DCDC1: variants seen among roughly 807,000 people sequenced by gnomAD.
The protein encoded by DCDC1 is doublecortin domain-containing protein 1.
DCDC1 carries 200 observed loss-of-function variants against 178.3 expected under a neutral mutation model. The ratio of observed to expected loss-of-function variants is 1.12; its 90% confidence interval spans 1.00 to 1.26. The LOEUF is 1.26. Among genes scored for constraint, DCDC1 ranks in the 50% most tolerant of loss-of-function variants. DCDC1 has a pLI of 0.00. For synonymous variants in DCDC1, 690 were observed against 604.8 expected (o/e 1.14, Z -2.07); for missense variants, 1,983 against 1,749.2 (o/e 1.13, Z -2.38).
In DCDC1 at chr11:30,920,815, T is replaced by G. The variant is rs773524874; in HGVS notation, c.3254A>C (p.Glu1085Ala). ...AGCATTTTCCGTTGTTAGAGGATCT[T>G]CTTGCATTTGCTTTTCTTCCGGTTC... ...VTEPEEKQMQ[E>A]DPLTTENASS... The change falls in exon 25 of 39, where the codon GAA (glutamate) becomes GCA (alanine). Residue 1085 changes from glutamate (E) to alanine (A), a missense_variant. Glu to Ala is a moderately radical substitution (Grantham distance 107). Coordinates refer to ENST00000684477, the MANE Select transcript of DCDC1 (RefSeq NM_001387274.1). 6.2e-7 allele frequency: 1 copy of G among 1,613,734 alleles called. No homozygotes were observed. Among genetic ancestry groups the G allele is most frequent in the South Asian group, 1.1e-5 (1 of 91,030 alleles).
At chr11:30,981,743 T>G (rs569392519) in intron 20 of DCDC1, among the ~76,000 whole-genome samples, 2 of 152,156 alleles carry the variant, frequency 1.3e-5, no homozygotes, top group Non-Finnish European at 2.9e-5. Context: ...CCCTAGCTAA[T>G]AAAGATCTGT....
intron 6 of DCDC1, among the ~76,000 whole-genome samples, chr11:31,295,098 T>C (rs1023595055): frequency 3.3e-5 from 5 of 152,350 alleles, no homozygotes; most frequent in Middle Eastern, 3.4e-3. Context: ...AAGTCCGTTA[T>C]ATAAAATGTA....
At chr11:30,910,214 A>G (rs957070670) in intron 28 of DCDC1, among the ~76,000 whole-genome samples, 1 of 152,198 alleles carries the variant, frequency 6.6e-6, no homozygotes, top group African/African-American at 2.4e-5. Flanking sequence ...GGTAATCCAA[A>G]TTACCTTGGG....
chr11:31,043,004 G>A lies in DCDC1; in HGVS notation c.2591+21465C>T, dbSNP rs545036456. Among the ~76,000 whole-genome samples the A allele has an allele frequency of 4.6e-5, 7 of 152,244 alleles. 1 individual carries two copies. In the South Asian group the frequency reaches 1.2e-3, roughly 27 times the overall value. On this transcript the variant is annotated intron_variant, in intron 20 of 38. Transcript: ENST00000684477. ...TGTAATTGTGAGAACATCATAGAGCGTACTCCACAAATCTGAGATGGTATC... is the reference window on the plus strand; with the variant it reads ...TGTAATTGTGAGAACATCATAGAGCATACTCCACAAATCTGAGATGGTATC...
intron 8 of DCDC1, among the ~76,000 whole-genome samples, chr11:31,253,426 G>A (rs963195438): frequency 2.7e-5 from 4 of 148,818 alleles, no homozygotes; most frequent in African/African-American, 5.0e-5. Flanking sequence ...GCACGATCTC[G>A]GCTCACTGCA....
At chr11:30,922,035 C>T (rs1460944354) in intron 24 of DCDC1, among the ~76,000 whole-genome samples, 1 of 152,126 alleles carries the variant, frequency 6.6e-6, no homozygotes, top group Admixed American at 6.6e-5. Flanking sequence ...CCCAGAGTAT[C>T]GTCTGAACCA....
chr11:31,196,040 G>A (rs1297676938), intron 9 of DCDC1, among the ~76,000 whole-genome samples: 1 of 151,820 alleles, frequency 6.6e-6, no homozygotes, highest in African/African-American at 2.4e-5. Flanking sequence ...TCTTGAGTCT[G>A]CTTTTTATTC....
rs763363858 is a variant in DCDC1 at position 30,903,606 on chromosome 11, G to T, written c.4386C>A (p.Ile1462=). Residue 1462 remains isoleucine (I), a synonymous_variant, in exon 32 of 39, where the codon ATC becomes ATA. Coordinates refer to ENST00000684477, the MANE Select transcript of DCDC1 (RefSeq NM_001387274.1). ...ATAAAACCAAATCACGCAAGGTAAA[G>T]ATTGGGGTTCCATCTTTGGTATATA... ...SKVYTKDGTP[I]FTLRDLVLWA... The T allele has an allele frequency of 4.3e-6, 7 of 1,611,230 alleles. No homozygotes were observed. The highest frequency in any genetic ancestry group is 5.1e-6 in the Non-Finnish European group (6 of 1,178,734).
intron 36 of DCDC1, among the ~76,000 whole-genome samples, chr11:30,888,086 A>AAG (rs1565029491): frequency 1.8e-5 from 2 of 112,774 alleles, no homozygotes; most frequent in African/African-American, 6.8e-5. Flanking sequence ...GAGAGAGAGA[A>AAG]AGAAAGAAAG....
chr11:31,244,940 G>A (rs1411458422), intron 8 of DCDC1, among the ~76,000 whole-genome samples: 2 of 151,702 alleles, frequency 1.3e-5, no homozygotes, highest in African/African-American at 4.8e-5. Context: ...ACTGGACAGA[G>A]CTGGTAGTGA....
intron 9 of DCDC1, among the ~76,000 whole-genome samples, chr11:31,194,700 AT>A (rs745916007): frequency 1.3e-3 from 196 of 150,362 alleles, no homozygotes; most frequent in African/African-American, 4.2e-3. Context: ...CATTTGTTTC[AT>A]TTTTTTTTGA....
At position 30,959,127 on chromosome 11, in the gene DCDC1, T is replaced by G. The variant is rs1163787917; in HGVS notation, c.2592-6559A>C. Among the ~76,000 whole-genome samples, 19 of 151,630 alleles carry G rather than the reference T, an allele frequency of 1.3e-4. 1 individual carries two copies. The highest frequency in any genetic ancestry group is 1.3e-3 in the Admixed American group (19 of 15,198). On this transcript the variant is annotated intron_variant, in intron 20 of 38. Transcript: ENST00000684477. The stretch of plus-strand genomic sequence containing the variant: ...GGAAGTTGATGCCTTCCAATCAGAG[T>G]CTTAGGACCAACTGCAGCAGTGAAG...
intron 10 of DCDC1, among the ~76,000 whole-genome samples, chr11:31,132,321 C>T (rs1962543185): frequency 6.6e-6 from 1 of 152,038 alleles, no homozygotes; most frequent in South Asian, 2.1e-4. Context: ...ATGTTTTGTT[C>T]TCAGTTATTA....
At chr11:31,349,179 C>A (rs1434210087) in intron 1 of DCDC1, among the ~76,000 whole-genome samples, 1 of 152,192 alleles carries the variant, frequency 6.6e-6, no homozygotes, top group African/African-American at 2.4e-5. Context: ...ATCTAGCTAT[C>A]TAGCTGTTGC....
intron 11 of DCDC1, among the ~76,000 whole-genome samples, chr11:31,116,739 A>T (rs923189117): frequency 3.9e-5 from 6 of 152,132 alleles, no homozygotes; most frequent in Non-Finnish European, 8.8e-5. Flanking sequence ...TGCCTAATAC[A>T]TATGTCTTTA....
At chr11:31,314,255 A>G (rs1309506652) in intron 3 of DCDC1, among the ~76,000 whole-genome samples, 1 of 152,206 alleles carries the variant, frequency 6.6e-6, no homozygotes, top group Non-Finnish European at 1.5e-5. Context: ...CCTGAAGTTT[A>G]AATTCCACTA....
intron 3 of DCDC1, among the ~76,000 whole-genome samples, chr11:31,313,267 C>CATATAA (rs1948872910): frequency 6.6e-6 from 1 of 152,070 alleles, no homozygotes; most frequent in Non-Finnish European, 1.5e-5. Context: ...GTTATGCTAG[C>CATATAA]CATTACAATA....
At chr11:31,180,580 A>G (rs1968657144) in intron 9 of DCDC1, among the ~76,000 whole-genome samples, 1 of 152,148 alleles carries the variant, frequency 6.6e-6, no homozygotes, top group Non-Finnish European at 1.5e-5. Flanking sequence ...GCATTGCCTC[A>G]GCCGGGAAGC....
At chr11:31,238,041 G>C (rs1976663723) in intron 9 of DCDC1, among the ~76,000 whole-genome samples, 1 of 151,566 alleles carries the variant, frequency 6.6e-6, no homozygotes, top group South Asian at 2.1e-4. Context: ...ACTGTGAACA[G>C]CTTTAAATGA....
Sources: gnomAD v4.1 joint callset for allele counts (sites outside exome capture counted in the v4.1 genomes callset) on GRCh38, gnomAD v4.1.1 for gene constraint, MANE v1.5 for transcripts, NCBI Gene and HGNC (gene_info 2026-07-23, HGNC 2026-07-21) for gene names.